The following CHEK1 variants were observed in gnomAD, a reference collection of about 807,000 sequenced individuals.
The protein encoded by CHEK1 is checkpoint kinase 1.
In CHEK1, 32 loss-of-function variants were observed where a neutral mutation model predicts 60.2. The observed-to-expected ratio is 0.53, with a 90% CI of 0.40 to 0.71. The LOEUF is 0.71. Ranked by LOEUF, CHEK1 falls within the 30% of genes least tolerant of loss-of-function variation. CHEK1 has a pLI of 0.00. For synonymous variants in CHEK1, 179 were observed against 187.2 expected, an observed-to-expected ratio of 0.96 and a Z score of 0.36; for missense variants, 399 against 564.6, an observed-to-expected ratio of 0.71 and a Z score of 2.97.
In CHEK1 at chr11:125,644,534, A is replaced by G. The variant is rs1183852401; in HGVS notation, c.1124A>G (p.Lys375Arg). The change falls in exon 11 of 13, where the codon AAA (lysine) becomes AGA (arginine). Residue 375 changes from lysine to arginine, a missense_variant. Coordinates refer to ENST00000438015, the MANE Select transcript of CHEK1 (RefSeq NM_001114122.3). ...SSQNPWQRLVKRMTRFFTKLD... is the reference protein window; with the variant it reads ...SSQNPWQRLVRRMTRFFTKLD... Reference sequence around the variant, plus strand: ...TAGAACCCCTGGCAGCGGTTGGTCAAAAGAATGACACGATTCTTTACCAAA... The same window carrying G: ...TAGAACCCCTGGCAGCGGTTGGTCAGAAGAATGACACGATTCTTTACCAAA... The G allele has an allele frequency of 1.9e-6, 3 of 1,613,954 alleles. No individual in the cohort carries two copies. The highest frequency in any genetic ancestry group is 2.5e-6 in the Non-Finnish European group (3 of 1,180,024).
rs1275518806 is a variant in CHEK1 at position 125,625,221 on chromosome 11, C to G, written c.-812C>G. 4.4e-6 allele frequency: 1 copy of G among 228,696 alleles called. No homozygotes were observed. The highest frequency in any genetic ancestry group is 5.7e-5 in the Admixed American group (1 of 17,680). 14.2% of individuals were successfully genotyped at this position (228,696 alleles called of 1,614,324 possible). ...AAATGAAAAAGTTTGTAGAACTAAGCTAAGCAGATGGTCTTCCTGCAAAAA... is the reference window on the plus strand; with the variant it reads ...AAATGAAAAAGTTTGTAGAACTAAGGTAAGCAGATGGTCTTCCTGCAAAAA... On this transcript the variant is annotated 5_prime_UTR_variant, in exon 1 of 13. Coordinates refer to ENST00000438015, the MANE Select transcript of CHEK1 (RefSeq NM_001114122.3).
At position 125,633,293 on chromosome 11, in the gene CHEK1, T is replaced by C. The variant is rs563751134; in HGVS notation, c.555T>C (p.His185=). ...AACTTCTGAAGAGAAGAGAATTTCA[T>C]GCAGAACCAGTTGATGTTTGGTCCT... ...APELLKRREF[H]AEPVDVWSCG... The change falls in exon 6 of 13, where the codon CAT becomes CAC. Residue 185 remains histidine, a synonymous_variant. Transcript: ENST00000438015. 151 of 1,606,982 alleles carry C rather than the reference T, an allele frequency of 9.4e-5. No homozygotes were observed. The highest frequency in any genetic ancestry group is 1.2e-4 in the Non-Finnish European group (143 of 1,178,054).
intron 11 of CHEK1, among the ~76,000 whole-genome samples, chr11:125,651,660 C>T (rs1025239961): frequency 4.6e-5 from 7 of 152,108 alleles, no homozygotes; most frequent in Admixed American, 1.3e-4. Context: ...GAGGTTTATT[C>T]TGCTCCCACC....
downstream of CHEK1, among the ~76,000 whole-genome samples, chr11:125,659,439 T>A (rs1268821228): frequency 6.6e-6 from 1 of 152,208 alleles, no homozygotes; most frequent in East Asian, 1.9e-4. Flanking sequence ...TAGTCCTGTG[T>A]CAATTATATG....
chr11:125,645,856 C>T (rs1303755933), intron 11 of CHEK1, among the ~76,000 whole-genome samples: 1 of 152,034 alleles, frequency 6.6e-6, no homozygotes, highest in South Asian at 2.1e-4. Context: ...TCTGTAGATT[C>T]GAGTTTTCAA....
intron 13 of CHEK1, among the ~76,000 whole-genome samples, chr11:125,673,361 C>T (rs963294529): frequency 1.3e-5 from 2 of 152,076 alleles, no homozygotes; most frequent in Non-Finnish European, 2.9e-5. Flanking sequence ...CACCACCACA[C>T]CTGGCTAATT....
intron 13 of CHEK1, among the ~76,000 whole-genome samples, chr11:125,674,493 GAGT>G (rs1438979090): frequency 1.3e-5 from 2 of 152,216 alleles, no homozygotes; most frequent in Non-Finnish European, 2.9e-5. Flanking sequence ...TGCGTAGCTG[GAGT>G]AAGTGTAGAG....
intron 13 of CHEK1, among the ~76,000 whole-genome samples, chr11:125,668,411 T>C (rs1344063136): frequency 6.6e-6 from 1 of 152,228 alleles, no homozygotes; most frequent in Non-Finnish European, 1.5e-5. Flanking sequence ...ACCACTGTAG[T>C]GATGATGTAT....
downstream of CHEK1, among the ~76,000 whole-genome samples, chr11:125,657,436 A>G (rs1198116132): frequency 6.6e-6 from 1 of 152,184 alleles, no homozygotes; most frequent in Non-Finnish European, 1.5e-5. Flanking sequence ...AGAACTTCCT[A>G]TATGCAGTCT....
chr11:125,655,147 C>T (rs919514206), intron 12 of CHEK1, 78 bp from the exon 13 acceptor site: 1 of 1,077,482 alleles, frequency 9.3e-7, no homozygotes, highest in Non-Finnish European at 1.4e-6. Context: ...GTTACCACTA[C>T]AAAGAGATTG....
intron 1 of CHEK1, 113 bp from the exon 2 acceptor site, chr11:125,626,635 AG>A: frequency 1.2e-6 from 1 of 822,322 alleles, no homozygotes; most frequent in Non-Finnish European, 2.1e-6. Flanking sequence ...ATGAGATAGA[AG>A]GGGAAGGCAA....
At chr11:125,652,181 T>G (rs1941760212) in intron 11 of CHEK1, among the ~76,000 whole-genome samples, 1 of 152,350 alleles carries the variant, frequency 6.6e-6, no homozygotes, top group African/African-American at 2.4e-5. Flanking sequence ...CGCTCGGGCT[T>G]AACTCATCCA....
downstream of CHEK1, among the ~76,000 whole-genome samples, chr11:125,661,039 G>A (rs1942004181): frequency 6.6e-6 from 1 of 152,102 alleles, no homozygotes. Context: ...TCCTCCCCAA[G>A]TGCTGGGATT....
downstream of CHEK1, among the ~76,000 whole-genome samples, chr11:125,680,123 G>A (rs1243259123): frequency 1.3e-5 from 2 of 152,126 alleles, no homozygotes; most frequent in African/African-American, 4.8e-5. Flanking sequence ...TCTGACAGTC[G>A]ACATTATAGA....
rs1381498057 is a variant in CHEK1, at chr11:125,656,542, A to C, written c.*1222A>C. 4.7e-6 allele frequency: 1 copy of C among 213,448 alleles called. No individual in the cohort carries two copies. The highest frequency in any genetic ancestry group is 2.3e-5 in the African/African-American group (1 of 44,262). The allele number at this position is 213,448 out of a possible 1,614,324, so 13.2% of individuals were successfully genotyped here. Reference sequence around the variant, plus strand: ...TTATTTATTTGAACCTATTTACGGTATGCTTAAGAATTGAATCAGTATAAA... The same window carrying C: ...TTATTTATTTGAACCTATTTACGGTCTGCTTAAGAATTGAATCAGTATAAA... On this transcript the variant is annotated 3_prime_UTR_variant, in exon 13 of 13. Coordinates refer to ENST00000438015, the MANE Select transcript of CHEK1 (RefSeq NM_001114122.3).
chr11:125,631,708 A>T (rs1237472435), intron 5 of CHEK1, among the ~76,000 whole-genome samples: 3 of 151,778 alleles, frequency 2.0e-5, no homozygotes, highest in Non-Finnish European at 1.5e-5. Flanking sequence ...AAAAAAAAAA[A>T]TTAGCTAGAC....
chr11:125,664,396 G>A (rs948780287), intron 13 of CHEK1, among the ~76,000 whole-genome samples: 1 of 151,876 alleles, frequency 6.6e-6, no homozygotes, highest in African/African-American at 2.4e-5. Flanking sequence ...ACTACGCCTG[G>A]CTAATTTTTT....
At chr11:125,665,424 T>C (rs550705351) in intron 13 of CHEK1, among the ~76,000 whole-genome samples, 2 of 152,250 alleles carry the variant, frequency 1.3e-5, no homozygotes, top group South Asian at 2.1e-4. Flanking sequence ...TTATCAGGGA[T>C]ATTGGTCTGG....
intron 11 of CHEK1, among the ~76,000 whole-genome samples, chr11:125,651,777 T>G (rs991932140): frequency 1.3e-5 from 2 of 152,236 alleles, no homozygotes; most frequent in Non-Finnish European, 2.9e-5. Flanking sequence ...CTGTTCTTAC[T>G]GCGTTTCACT....
Sources: gnomAD v4.1 joint callset for allele counts (sites outside exome capture counted in the v4.1 genomes callset) on GRCh38, gnomAD v4.1.1 for gene constraint, MANE v1.5 for transcripts, NCBI Gene and HGNC (gene_info 2026-07-23, HGNC 2026-07-21) for gene names.